CMIP: variants seen among roughly 807,000 people sequenced by gnomAD.
CMIP encodes C-Maf-inducing protein.
A neutral mutation model predicts 97.3 loss-of-function variants in CMIP; 13 were observed. The observed-to-expected ratio is 0.13, with a 90% CI of 0.09 to 0.21. CMIP has a LOEUF of 0.21. Ranked by LOEUF, CMIP falls within the 10% of genes least tolerant of loss-of-function variation. The pLI is 1.00. For synonymous variants in CMIP, 538 were observed against 436.3 expected, an observed-to-expected ratio of 1.23 and a Z score of -2.91; for missense variants, 847 against 1,024.9, an observed-to-expected ratio of 0.83 and a Z score of 2.37.
At chr16:81,498,857 G>T (rs976131205) in intron 1 of CMIP, among the ~76,000 whole-genome samples, 1 of 152,126 alleles carries the variant, frequency 6.6e-6, no homozygotes. Flanking sequence ...AGTTTACACC[G>T]TGCACACCTC....
At chr16:81,604,513 G>C (rs539777475) in intron 1 of CMIP, among the ~76,000 whole-genome samples, 1 of 150,672 alleles carries the variant, frequency 6.6e-6, no homozygotes, top group South Asian at 2.1e-4. Flanking sequence ...GCCTGGCCAA[G>C]ATGGTGAAAC....
chr16:81,557,267 C>G (rs933771945), intron 1 of CMIP, among the ~76,000 whole-genome samples: 18 of 152,258 alleles, frequency 1.2e-4, no homozygotes, highest in South Asian at 2.1e-4. Flanking sequence ...ATGTCAATGC[C>G]AAATGCATGT....
intron 1 of CMIP, among the ~76,000 whole-genome samples, chr16:81,525,377 A>G (rs1003945258): frequency 1.3e-5 from 2 of 152,118 alleles, no homozygotes; most frequent in East Asian, 1.9e-4. Context: ...TCCTGACCTC[A>G]GGTGATCCGT....
chr16:81,658,311 T>C (rs988053432), intron 5 of CMIP, among the ~76,000 whole-genome samples: 2 of 152,210 alleles, frequency 1.3e-5, no homozygotes, highest in Non-Finnish European at 2.9e-5. Flanking sequence ...CTGAATGACT[T>C]TTAGCTACGA....
intron 1 of CMIP, among the ~76,000 whole-genome samples, chr16:81,536,594 A>G (rs1057060421): frequency 6.6e-6 from 1 of 152,148 alleles, no homozygotes; most frequent in Non-Finnish European, 1.5e-5. Context: ...TAAATGCAGA[A>G]TTAGGGTTGG....
chr16:81,495,190 C>CCAT (rs1362455698), intron 1 of CMIP, among the ~76,000 whole-genome samples: 2 of 152,160 alleles, frequency 1.3e-5, no homozygotes, highest in South Asian at 2.1e-4. Context: ...TTAGCTCTCA[C>CCAT]CATCATCATC....
At chr16:81,575,664 G>T (rs1197610102) in intron 1 of CMIP, among the ~76,000 whole-genome samples, 1 of 152,158 alleles carries the variant, frequency 6.6e-6, no homozygotes, top group Non-Finnish European at 1.5e-5. Context: ...TACTGCCAAC[G>T]GGACAGCAGT....
intron 1 of CMIP, among the ~76,000 whole-genome samples, chr16:81,598,794 C>A (rs2091606898): frequency 1.3e-5 from 2 of 151,904 alleles, no homozygotes; most frequent in South Asian, 4.2e-4. Flanking sequence ...TGGTGAAACC[C>A]CATGTCTACT....
At chr16:81,696,437 G>C in intron 13 of CMIP, 123 bp from the exon 14 acceptor site, 1 of 950,622 alleles carries the variant, frequency 1.1e-6, no homozygotes, top group Non-Finnish European at 1.6e-6. Context: ...AGGAAACAAA[G>C]TTAAGCGGGT....
At position 81,614,011 on chromosome 16, in the gene CMIP, A is replaced by C. The variant is rs1040794587; in HGVS notation, c.426+6319A>C. ...CATAGCCTGCAGAAGAAGGACAACT[A>C]GACAGGCGATTCCAGGACAGTGTGA... On this transcript the variant is annotated intron_variant, in intron 2 of 20. Transcript: ENST00000537098. This position sits in a 1 kb window ranked among gnomAD's most constrained non-coding sequence, Gnocchi z 5.3. 1.3e-4 allele frequency among the ~76,000 whole-genome samples: 20 copies of C among 152,198 alleles called. No individual in the cohort carries two copies. Among genetic ancestry groups the C allele is most frequent in the Non-Finnish European group, 1.5e-5 (1 of 68,032 alleles).
At chr16:81,565,973 C>G (rs2090976493) in intron 1 of CMIP, among the ~76,000 whole-genome samples, 1 of 152,202 alleles carries the variant, frequency 6.6e-6, no homozygotes, top group South Asian at 2.1e-4. Context: ...TTCCCGAACA[C>G]TCATAGCCAG....
intron 3 of CMIP, among the ~76,000 whole-genome samples, chr16:81,637,723 G>T (rs1262236308): frequency 6.6e-6 from 1 of 152,194 alleles, no homozygotes; most frequent in Admixed American, 6.5e-5. Context: ...TGGCCCATAG[G>T]TCGTAGAGTG....
At chr16:81,586,534 G>C (rs1233125629) in intron 1 of CMIP, among the ~76,000 whole-genome samples, 1 of 152,112 alleles carries the variant, frequency 6.6e-6, no homozygotes, top group African/African-American at 2.4e-5. Context: ...ACATTCCTCA[G>C]TGATCCGGTG....
At chr16:81,478,179 T>C (rs1597462032) in intron 1 of CMIP, among the ~76,000 whole-genome samples, 4 of 152,098 alleles carry the variant, frequency 2.6e-5, no homozygotes, top group African/African-American at 9.6e-5. Flanking sequence ...CGAAGGCTGG[T>C]CAGGGAGACA....
intron 3 of CMIP, chr16:81,645,306 C>T (rs118078262): frequency 8.2e-6 from 10 of 1,214,652 alleles, no homozygotes; most frequent in Middle Eastern, 2.8e-4. Flanking sequence ...TGGGCGCGCC[C>T]GTGCAGCGTC....
rs1251318851 is a variant in CMIP at position 81,444,899 on chromosome 16, C to T, written c.-343C>T. Reference sequence around the variant, plus strand: ...AGACACGCCCGCCCCCACCCCGCCGCCCCCACCCCGGCGCCCGCCCTCCGC... The same window carrying T: ...AGACACGCCCGCCCCCACCCCGCCGTCCCCACCCCGGCGCCCGCCCTCCGC... On this transcript the variant is annotated 5_prime_UTR_variant, in exon 1 of 21. Transcript: ENST00000537098. Among the ~76,000 whole-genome samples, 321 of 139,868 alleles carry T rather than the reference C, an allele frequency of 2.3e-3. No homozygotes were observed. Among genetic ancestry groups the T allele is most frequent in the African/African-American group, 8.0e-3 (312 of 38,948 alleles). 91.8% of individuals were successfully genotyped at this position (139,868 alleles called of 152,430 possible). A position where few individuals can be genotyped will look rare whatever the true frequency, so the allele number is the denominator to read the frequency against.
At chr16:81,662,171 ACCT>A (rs1567642511) in intron 6 of CMIP, among the ~76,000 whole-genome samples, 1 of 151,946 alleles carries the variant, frequency 6.6e-6, no homozygotes, top group African/African-American at 2.4e-5. Context: ...ACAACAGATC[ACCT>A]CCTCCATCTC....
At chr16:81,559,718 G>A (rs2090839069) in intron 1 of CMIP, among the ~76,000 whole-genome samples, 1 of 152,152 alleles carries the variant, frequency 6.6e-6, no homozygotes, top group Non-Finnish European at 1.5e-5. Flanking sequence ...AGACTTGATG[G>A]TAAACAACTA....
chr16:81,669,075 C>T (rs2092647615), intron 7 of CMIP, among the ~76,000 whole-genome samples: 2 of 140,470 alleles, frequency 1.4e-5, no homozygotes, highest in Non-Finnish European at 1.6e-5. Flanking sequence ...CTCACACTCA[C>T]CTCCTTCCAC....
Sources: gnomAD v4.1 joint callset for allele counts (sites outside exome capture counted in the v4.1 genomes callset) on GRCh38, gnomAD v4.1.1 for gene constraint, Gnocchi (gnomAD v3.1) non-coding constraint, MANE v1.5 for transcripts, NCBI Gene and HGNC (gene_info 2026-07-23, HGNC 2026-07-21) for gene names.